The following C1orf53 variants were observed in gnomAD, a reference collection of about 807,000 sequenced individuals.
The protein encoded by C1orf53 is chromosome 1 open reading frame 53.
A neutral mutation model predicts 17.5 loss-of-function variants in C1orf53; 23 were observed. The ratio of observed to expected loss-of-function variants is 1.31; its 90% confidence interval spans 0.94 to 1.86. The LOEUF is 1.86. C1orf53 is among the 40% of genes most tolerant of loss of function. C1orf53 has a pLI of 0.00. For missense variants in C1orf53, 255 were observed against 193.2 expected (o/e 1.32, Z -1.89); for synonymous variants, 108 against 81.9 (o/e 1.32, Z -1.72).
Position 197,902,636 on chromosome 1 carries a change from A to C in C1orf53, c.-14A>C, listed in dbSNP as rs1659440164. The C allele has an allele frequency of 1.4e-6, 2 of 1,408,646 alleles. No individual in the cohort carries two copies. The highest frequency in any genetic ancestry group is 1.5e-5 in the African/African-American group (1 of 66,770). 87.3% of individuals were successfully genotyped at this position (1,408,646 alleles called of 1,614,324 possible). The stretch of plus-strand genomic sequence containing the variant: ...CCAGCGCCGGGTGCTCCGCCTCCCA[A>C]GGCCGGCGGCGGCATGGCGGCCAGG... On this transcript the variant is annotated 5_prime_UTR_variant, in exon 1 of 3. Coordinates refer to ENST00000367393, the MANE Select transcript of C1orf53 (RefSeq NM_001024594.3).
chr1:197,903,694 A>G (rs969821931), intron 1 of C1orf53, among the ~76,000 whole-genome samples: 6 of 152,212 alleles, frequency 3.9e-5, no homozygotes, highest in Non-Finnish European at 8.8e-5. Flanking sequence ...GACTAATATT[A>G]TATGGTATGA....
At position 197,902,870 on chromosome 1, in the gene C1orf53, C is replaced by T; in HGVS notation, c.221C>T (p.Ala74Val). 1 of 1,520,378 alleles carries T rather than the reference C, an allele frequency of 6.6e-7. No individual in the cohort carries two copies. Among genetic ancestry groups the T allele is most frequent in the Non-Finnish European group, 8.8e-7 (1 of 1,139,726 alleles). The allele number at this position is 1,520,378 out of a possible 1,614,324, so 94.2% of individuals were successfully genotyped here. Residue 74 changes from alanine (A) to valine (V), a missense_variant, in exon 1 of 3, where the codon GCG becomes GTG. Coordinates refer to ENST00000367393, the MANE Select transcript of C1orf53 (RefSeq NM_001024594.3). ...ARPSVSEELTAAERQIAELHA... is the reference protein window; with the variant it reads ...ARPSVSEELTVAERQIAELHA... ...CCTTCGGTGAGCGAAGAGTTAACCG[C>T]GGCGGAGCGACAGATCGCGGAGCTG...
intron 1 of C1orf53, among the ~76,000 whole-genome samples, chr1:197,904,076 A>G (rs562951484): frequency 7.2e-5 from 11 of 152,364 alleles, no homozygotes; most frequent in African/African-American, 2.6e-4. Flanking sequence ...TCAGTATCAC[A>G]GGTTAAATGA....
intron 1 of C1orf53, among the ~76,000 whole-genome samples, chr1:197,905,244 C>CA (rs201785555): frequency 0.036 from 5,060 of 140,838 alleles, 176 homozygotes; most frequent in African/African-American, 0.088. Flanking sequence ...AACACACCAG[C>CA]AAAAAAAAAA....
rs572840332 is a variant in C1orf53, at chr1:197,902,890, G to A, written c.241G>A (p.Glu81Lys). The A allele has an allele frequency of 2.8e-5, 42 of 1,487,702 alleles. No homozygotes were observed. In the African/African-American group the frequency reaches 4.9e-4, roughly 17 times the overall value. The allele number at this position is 1,487,702 out of a possible 1,614,324, so 92.2% of individuals were successfully genotyped here. Reference protein sequence around the residue: ...ELTAAERQIAELHAAACAAGQ... With the variant: ...ELTAAERQIAKLHAAACAAGQ... ...AACCGCGGCGGAGCGACAGATCGCG[G>A]AGCTGCACGCTGCCGCCTGCGCGGT... Residue 81 changes from glutamate to lysine, a missense_variant, in exon 1 of 3, where the codon GAG (glutamate) becomes AAG (lysine). Glu to Lys is a moderately conservative substitution (Grantham distance 56, BLOSUM62 1). Transcript: ENST00000367393.
intron 1 of C1orf53, among the ~76,000 whole-genome samples, 191 bp downstream of exon 1, chr1:197,903,104 C>T (rs1381356698): frequency 1.3e-5 from 2 of 152,212 alleles, no homozygotes; most frequent in Non-Finnish European, 2.9e-5. Flanking sequence ...TCGCGGGAAA[C>T]CTGTGTCTGT....
chr1:197,903,204 A>ATG (rs954851976), intron 1 of C1orf53, among the ~76,000 whole-genome samples: 18 of 151,996 alleles, frequency 1.2e-4, no homozygotes, highest in Admixed American at 5.2e-4. Context: ...TTTGTGGTGT[A>ATG]TGTGTGTGTG....
chr1:197,905,920 C>T (rs747994250), intron 2 of C1orf53, 23 bp downstream of exon 2: 17 of 1,551,802 alleles, frequency 1.1e-5, no homozygotes, highest in Non-Finnish European at 1.3e-5. Context: ...TCTTGCATTA[C>T]AGCAGCAGTT....
chr1:197,906,019 A>G, intron 2 of C1orf53, 122 bp downstream of exon 2: 1 of 724,728 alleles, frequency 1.4e-6, no homozygotes, highest in Admixed American at 2.3e-5. Context: ...ACTTTTCACA[A>G]GCTACTTTAG....
chr1:197,906,717 G>A (rs192515476), intron 2 of C1orf53, among the ~76,000 whole-genome samples: 9 of 152,206 alleles, frequency 5.9e-5, no homozygotes, highest in Admixed American at 2.0e-4. Context: ...TGTATGTTTT[G>A]GTGCAAGAAG....
chr1:197,905,037 G>T (rs1390964027), intron 1 of C1orf53, among the ~76,000 whole-genome samples: 1 of 152,186 alleles, frequency 6.6e-6, no homozygotes, highest in Non-Finnish European at 1.5e-5. Context: ...CAAATCCACA[G>T]AAAAGATTAT....
intron 1 of C1orf53, among the ~76,000 whole-genome samples, chr1:197,904,420 T>G (rs1057276042): frequency 5.3e-5 from 8 of 152,214 alleles, no homozygotes; most frequent in Non-Finnish European, 1.0e-4. Flanking sequence ...CTGTTAGGCT[T>G]CCAGGTTGCC....
chr1:197,907,293 G>C lies in C1orf53; in HGVS notation c.*73G>C, dbSNP rs552533132. On this transcript the variant is annotated 3_prime_UTR_variant, in exon 3 of 3. Transcript: ENST00000367393. The stretch of plus-strand genomic sequence containing the variant: ...ATAAAGCCCCAATTCAGAATTGCTG[G>C]ATTATTAGTACTTGAACACTAGTTT... 18 of 770,398 alleles carry C rather than the reference G, an allele frequency of 2.3e-5. No individual in the cohort carries two copies. The South Asian group carries it at 3.0e-4, about 13-fold the overall frequency. The allele number at this position is 770,398 out of a possible 1,614,324, so 47.7% of individuals were successfully genotyped here.
At chr1:197,905,677 C>A in intron 1 of C1orf53, 119 bp from the exon 2 acceptor site, 1 of 688,972 alleles carries the variant, frequency 1.5e-6, no homozygotes, top group Non-Finnish European at 2.5e-6. Flanking sequence ...ACTAAAACTG[C>A]TGGGAAGAAG....
chr1:197,902,942 C>G, intron 1 of C1orf53, 29 bp downstream of exon 1: 1 of 1,340,924 alleles, frequency 7.5e-7, no homozygotes, highest in Non-Finnish European at 9.5e-7. Flanking sequence ...CGCCCCGCCC[C>G]GCCGCGGCCG....
At position 197,907,279 on chromosome 1, in the gene C1orf53, A is replaced by G; in HGVS notation, c.*59A>G. 1 of 938,588 alleles carries G rather than the reference A, an allele frequency of 1.1e-6. No individual in the cohort carries two copies. Among genetic ancestry groups the G allele is most frequent in the Non-Finnish European group, 1.7e-6 (1 of 603,610 alleles). The allele number at this position is 938,588 out of a possible 1,614,324, so 58.1% of individuals were successfully genotyped here. A position where few individuals can be genotyped will look rare whatever the true frequency, so the allele number is the denominator to read the frequency against. Reference sequence around the variant, plus strand: ...GTATTTTTTAAAAAATAAAGCCCCAATTCAGAATTGCTGGATTATTAGTAC... The same window carrying G: ...GTATTTTTTAAAAAATAAAGCCCCAGTTCAGAATTGCTGGATTATTAGTAC... On this transcript the variant is annotated 3_prime_UTR_variant, in exon 3 of 3. Coordinates refer to ENST00000367393, the MANE Select transcript of C1orf53 (RefSeq NM_001024594.3).
At chr1:197,905,180 TGTGA>T (rs151182399) in intron 1 of C1orf53, among the ~76,000 whole-genome samples, 1,720 of 152,284 alleles carry the variant, frequency 0.011, 42 homozygotes, top group African/African-American at 0.039. Flanking sequence ...TTGTGAAAGC[TGTGA>T]GTGTTAATAT....
intron 1 of C1orf53, 164 bp from the exon 2 acceptor site, chr1:197,905,632 T>C: frequency 1.7e-6 from 1 of 593,954 alleles, no homozygotes; most frequent in Non-Finnish European, 3.0e-6. Context: ...TTGTGTATAA[T>C]GCTGGAGTGC....
chr1:197,905,826 A>G lies in C1orf53; in HGVS notation c.295A>G (p.Thr99Ala), dbSNP rs1659514163. ...AGQLNYVDPA[T>A]GYVVLTQIAH... ...CCAGCTAAACTATGTGGATCCAGCT[A>G]CTGGCTATGTGGTGCTCACACAGAT... is the stretch of plus-strand genomic sequence containing the variant. Residue 99 changes from threonine to alanine, a missense_variant, in exon 2 of 3, where the codon ACT becomes GCT. Physicochemically the swap from Thr to Ala is moderately conservative, Grantham distance 58 (BLOSUM62 0). Transcript: ENST00000367393. The G allele has an allele frequency of 3.7e-6, 6 of 1,613,846 alleles. No individual in the cohort carries two copies. Among genetic ancestry groups the G allele is most frequent in the Middle Eastern group, 3.3e-4 (2 of 6,062 alleles).
Sources: allele counts gnomAD v4.1 joint callset (sites outside exome capture counted in the v4.1 genomes callset), GRCh38; gene constraint gnomAD v4.1.1; transcripts MANE v1.5; gene names NCBI Gene and HGNC (gene_info 2026-07-23, HGNC 2026-07-21).